The following RDX variants were observed in gnomAD, a reference collection of about 807,000 sequenced individuals.
The protein encoded by RDX is deafness, autosomal recessive 24.
In RDX, 32 loss-of-function variants were observed where a neutral mutation model predicts 83.7. The ratio of observed to expected loss-of-function variants is 0.38; its 90% CI spans 0.29 to 0.51. RDX has a LOEUF of 0.51. Among genes scored for constraint, RDX ranks in the 20% least tolerant of loss-of-function variants. RDX has a pLI of 0.87. For synonymous variants in RDX, 229 were observed against 222.7 expected (o/e 1.03, Z -0.25); for missense variants, 600 against 689.9 (o/e 0.87, Z 1.46).
intron 14 of RDX, among the ~76,000 whole-genome samples, chr11:110,219,184 A>AT: frequency 1.3e-5 from 2 of 152,344 alleles, no homozygotes; most frequent in South Asian, 4.1e-4. Context: ...CAAGGGAGTG[A>AT]ATCATAACAA....
intron 2 of RDX, among the ~76,000 whole-genome samples, chr11:110,278,911 T>G (rs972789859): frequency 2.0e-5 from 3 of 151,336 alleles, no homozygotes; most frequent in African/African-American, 7.3e-5. Context: ...ATTTACACCT[T>G]AAGAATAAAG....
intron 2 of RDX, 66 bp downstream of exon 2, chr11:110,279,615 G>T: frequency 9.5e-7 from 1 of 1,057,798 alleles, no homozygotes; most frequent in Non-Finnish European, 1.5e-6. Flanking sequence ...TCTTTGTCTT[G>T]TTCCAAAACG....
At chr11:110,203,453 C>A (rs1591508550) in intron 14 of RDX, among the ~76,000 whole-genome samples, 1 of 149,112 alleles carries the variant, frequency 6.7e-6, no homozygotes. Flanking sequence ...TGAATAAGAC[C>A]TAGTATTTGA....
intron 14 of RDX, among the ~76,000 whole-genome samples, chr11:110,202,312 G>C (rs920315894): frequency 6.6e-6 from 1 of 151,902 alleles, no homozygotes; most frequent in African/African-American, 2.4e-5. Context: ...GGAATCGCTT[G>C]AACCCTGGAG....
At position 110,233,267 on chromosome 11, in the gene RDX, CTG is replaced by C; in HGVS notation, c.1555_1556del (p.Gln519GlufsTer3). On this transcript the variant is annotated frameshift_variant, in exon 13 of 14. Coordinates refer to ENST00000645495, the MANE Select transcript of RDX (RefSeq NM_002906.4). ...RSEEERVTETQKNERVKKQLQ... is the reference protein window; with the variant it reads ...RSEEERVTETXKNERVKKQLQ... ...GTTGCTTCTTAACACGCTCATTTTT[CTG>C]TGTTTCGGTTACACGTTCTTCCTCG... 6.2e-7 allele frequency: 1 copy of C among 1,613,710 alleles called. No individual in the cohort carries two copies. Among genetic ancestry groups the C allele is most frequent in the Non-Finnish European group, 8.5e-7 (1 of 1,179,970 alleles).
chr11:110,199,711 A>C (rs1427234144), intron 14 of RDX: 1 of 702,878 alleles, frequency 1.4e-6, no homozygotes, highest in Admixed American at 2.0e-5. Flanking sequence ...ATTAGAAAGC[A>C]TTTAGCAAAA....
rs45515093 is a variant in RDX, at chr11:110,251,080, T to C, written c.959+2866A>G. On this transcript the variant is annotated intron_variant, in intron 9 of 13. Transcript: ENST00000645495. ...TTCTGAACGTATCTCTTGCTCTCTC[T>C]AACCTTCAAGCTTCAGTCCCACTTT... 5.0e-3 allele frequency among the ~76,000 whole-genome samples: 759 copies of C among 152,340 alleles called. 24 individuals carry two copies. Among genetic ancestry groups the C allele is most frequent in the Non-Finnish European group, 1.2e-3 (83 of 68,038 alleles).
At position 110,290,511 on chromosome 11, in the gene RDX, G is replaced by GAA. The variant is rs112346277; in HGVS notation, c.-65+5954_-65+5955dup. ...TGGGCAACAGAGACAGTCTCAAAAA[G>GAA]AAAAAAAAAAAAGCACTTAACACAC... On this transcript the variant is annotated intron_variant, in intron 1 of 13. Coordinates refer to ENST00000645495, the MANE Select transcript of RDX (RefSeq NM_002906.4). Among the ~76,000 whole-genome samples, 765 of 142,764 alleles carry GAA rather than the reference G, an allele frequency of 5.4e-3. 3 individuals carry two copies. The highest frequency in any genetic ancestry group is 8.0e-3 in the Non-Finnish European group (521 of 64,976). The allele number at this position is 142,764 out of a possible 152,430, so 93.7% of individuals were successfully genotyped here. A position where few individuals can be genotyped will look rare whatever the true frequency, so the allele number is the denominator to read the frequency against.
At chr11:110,279,611 T>C (rs2134422351) in intron 2 of RDX, 70 bp downstream of exon 2, 1 of 1,024,684 alleles carries the variant, frequency 9.8e-7, no homozygotes, top group South Asian at 1.3e-5. Context: ...ACATTCTTTG[T>C]CTTGTTCCAA....
chr11:110,209,680 C>T (rs1206966509), intron 14 of RDX, among the ~76,000 whole-genome samples: 2 of 147,004 alleles, frequency 1.4e-5, no homozygotes, highest in African/African-American at 2.5e-5. Flanking sequence ...GTCCCTGACC[C>T]CTGACCCCCG....
In RDX at chr11:110,221,335, T is replaced by G. The variant is rs370480391; in HGVS notation, c.1748+10538A>C. Among the ~76,000 whole-genome samples the G allele has an allele frequency of 5.3e-5, 8 of 152,098 alleles. No individual in the cohort carries two copies. The East Asian group carries it at 1.2e-3, about 22-fold the overall frequency. On this transcript the variant is annotated intron_variant, in intron 14 of 15. Coordinates refer to the RDX transcript ENST00000528498. The stretch of plus-strand genomic sequence containing the variant: ...AGATCAGGCTGGGTGTGGTAGCTCA[T>G]GCCTGTAATCCCAGCACTTTGGGAG...
rs889562577 is a variant in RDX at position 110,279,795 on chromosome 11, T to C, written c.-64-39A>G. ...AAAAGCATAATCTATTATCTTTTTA[T>C]ATAAGGTTTCTATTTTAACTATAAT... On this transcript the variant is annotated intron_variant, in intron 1 of 13. Coordinates refer to ENST00000645495, the MANE Select transcript of RDX (RefSeq NM_002906.4). The C allele has an allele frequency of 2.4e-5, 17 of 710,416 alleles. No individual in the cohort carries two copies. In the African/African-American group the frequency reaches 2.9e-4, roughly 12 times the overall value. 44.0% of individuals were successfully genotyped at this position (710,416 alleles called of 1,614,324 possible).
Position 110,272,617 on chromosome 11 carries a change from G to C in RDX, c.15C>G (p.Ile5Met), listed in dbSNP as rs940919907. 8 of 1,603,242 alleles carry C rather than the reference G, an allele frequency of 5.0e-6. No individual in the cohort carries two copies. The highest frequency in any genetic ancestry group is 1.7e-5 in the Admixed American group (1 of 59,742). MPKP[I>M]NVRVTTMDAE... is the part of the protein sequence containing the mutation. ...CATCCATTGTAGTTACTCTTACGTT[G>C]ATCTGTAATAAAAATAAAAGGAATA... Residue 5 changes from isoleucine (I) to methionine (M), a missense_variant and splice_region_variant, in exon 3 of 14, where the codon ATC (isoleucine) becomes ATG (methionine). Transcript: ENST00000645495.
At chr11:110,291,898 G>A (rs557193648) in intron 1 of RDX, among the ~76,000 whole-genome samples, 33 of 152,266 alleles carry the variant, frequency 2.2e-4, no homozygotes, top group Non-Finnish European at 4.1e-4. Context: ...TCAGGAGGCC[G>A]AGGCAGAAAG....
chr11:110,295,703 T>C (rs1446130756), intron 1 of RDX, among the ~76,000 whole-genome samples: 2 of 151,004 alleles, frequency 1.3e-5, no homozygotes, highest in Non-Finnish European at 2.9e-5. Flanking sequence ...GAATTGAGTT[T>C]AGAATCCTTT....
intron 15 of RDX, among the ~76,000 whole-genome samples, chr11:110,189,430 C>T (rs569534605): frequency 3.9e-5 from 6 of 152,060 alleles, no homozygotes; most frequent in Admixed American, 6.5e-5. Context: ...TCCTTTAACA[C>T]TCAACCAACG....
Position 110,264,820 on chromosome 11 carries a change from C to CTACA in RDX, c.147_150dup (p.Asp51CysfsTer11), listed in dbSNP as rs1472981011. On this transcript the variant is annotated frameshift_variant, in exon 4 of 14. Transcript: ENST00000645495. LOFTEE classifies it high-confidence loss of function. ...AGCCATGTAGAATAACCTTTGCTGT[C>CTACA]TACATACTGCAGCCCAAAAAACCAG... is the stretch of plus-strand genomic sequence containing the variant. 6.2e-7 allele frequency: 1 copy of CTACA among 1,613,756 alleles called. No homozygotes were observed. Among genetic ancestry groups the CTACA allele is most frequent in the Non-Finnish European group, 8.5e-7 (1 of 1,179,940 alleles).
exon 15 of RDX, chr11:110,199,673 C>T: frequency 5.7e-6 from 4 of 702,976 alleles, no homozygotes; most frequent in Non-Finnish European, 1.0e-5. Context: ...CAGTTTGGGT[C>T]CCCACCTTTC....
intron 14 of RDX, among the ~76,000 whole-genome samples, chr11:110,215,332 C>A (rs1864001957): frequency 6.7e-6 from 1 of 149,712 alleles, no homozygotes; most frequent in Non-Finnish European, 1.5e-5. Context: ...CACTGAACTC[C>A]AGCCTGGGCA....
Sources: allele counts gnomAD v4.1 joint callset (sites outside exome capture counted in the v4.1 genomes callset), GRCh38; gene constraint gnomAD v4.1.1; transcripts MANE v1.5; gene names NCBI Gene and HGNC (gene_info 2026-07-23, HGNC 2026-07-21).